ZNF141: variants seen among roughly 807,000 people sequenced by gnomAD.
ZNF141 encodes zinc finger protein 141 (clone pHZ-44).
A neutral mutation model predicts 11.3 loss-of-function variants in ZNF141; 7 were observed. The ratio of observed to expected loss-of-function variants is 0.62; its 90% CI spans 0.35 to 1.16. ZNF141 has a LOEUF of 1.16. Ranked by LOEUF, ZNF141 falls within the 50% of genes most tolerant of loss-of-function variation. The pLI is 0.02. For missense variants in ZNF141, 535 were observed against 554.0 expected (o/e 0.97, Z 0.34); for synonymous variants, 183 against 190.7 (o/e 0.96, Z 0.33).
intron 3 of ZNF141, among the ~76,000 whole-genome samples, chr4:367,341 T>C (rs1166454982): frequency 6.6e-6 from 1 of 152,174 alleles, no homozygotes; most frequent in Non-Finnish European, 1.5e-5. Flanking sequence ...TGTTCAATGG[T>C]GGTTTTGAAT....
At chr4:370,606 C>G (rs1712007500) in intron 3 of ZNF141, among the ~76,000 whole-genome samples, 1 of 152,220 alleles carries the variant, frequency 6.6e-6, no homozygotes. Flanking sequence ...AGCATACTTA[C>G]AAATCACACA....
At chr4:345,588 C>T (rs1314124381) in intron 3 of ZNF141, among the ~76,000 whole-genome samples, 2 of 151,830 alleles carry the variant, frequency 1.3e-5, no homozygotes, top group South Asian at 2.1e-4. Context: ...ATTAGCTGGG[C>T]GTGGTGGTGC....
At chr4:340,984 T>G (rs1399081245) in intron 1 of ZNF141, among the ~76,000 whole-genome samples, 1 of 152,214 alleles carries the variant, frequency 6.6e-6, no homozygotes, top group Non-Finnish European at 1.5e-5. Flanking sequence ...AGTCCAGGGT[T>G]GCAATCTTCA....
chr4:362,596 G>A (rs1436975312), intron 3 of ZNF141, among the ~76,000 whole-genome samples: 2 of 152,152 alleles, frequency 1.3e-5, no homozygotes, highest in Non-Finnish European at 2.9e-5. Flanking sequence ...TTTTACATAT[G>A]GCTAGCCAGT....
intron 3 of ZNF141, among the ~76,000 whole-genome samples, chr4:353,436 A>G (rs1721697993): frequency 1.3e-5 from 2 of 148,634 alleles, no homozygotes; most frequent in South Asian, 4.2e-4. Context: ...TGAAGAATGG[A>G]GAGTTTATTA....
rs1341102140 is a variant in ZNF141 at position 374,525 on chromosome 4, T to TG, written c.*667dup. ...TTACTGTGCACAAGATAATTCATTC[T>TG]GGGGAAAAAAATGCTACAAATGTGA... On this transcript the variant is annotated 3_prime_UTR_variant, in exon 4 of 4. Transcript: ENST00000240499. The TG allele has an allele frequency of 5.5e-6, 1 of 182,770 alleles. No individual in the cohort carries two copies. The highest frequency in any genetic ancestry group is 1.2e-5 in the Non-Finnish European group (1 of 82,646). The allele number at this position is 182,770 out of a possible 1,614,324, so 11.3% of individuals were successfully genotyped here.
At chr4:372,496 C>G (rs898571632) in intron 3 of ZNF141, among the ~76,000 whole-genome samples, 168 bp from the exon 4 acceptor site, 4 of 152,122 alleles carry the variant, frequency 2.6e-5, no homozygotes, top group African/African-American at 9.7e-5. Context: ...AGAAAGGTGT[C>G]TTTGTTAGTA....
At chr4:362,294 G>A (rs1257414876) in intron 3 of ZNF141, among the ~76,000 whole-genome samples, 2 of 152,258 alleles carry the variant, frequency 1.3e-5, no homozygotes, top group Non-Finnish European at 2.9e-5. Context: ...TGTTGGATGG[G>A]TAGATTGTAA....
intron 3 of ZNF141, among the ~76,000 whole-genome samples, chr4:366,587 C>T (rs1487672387): frequency 6.6e-6 from 1 of 152,234 alleles, no homozygotes; most frequent in Non-Finnish European, 1.5e-5. Flanking sequence ...CAGGCGTGAG[C>T]CACCACACCC....
At chr4:347,919 A>G (rs896248794) in intron 3 of ZNF141, among the ~76,000 whole-genome samples, 16 of 150,986 alleles carry the variant, frequency 1.1e-4, no homozygotes, top group African/African-American at 3.9e-4. Flanking sequence ...ATCTTTGCTC[A>G]CTGCAACCTC....
At chr4:363,527 C>CGG (rs1560193558) in intron 3 of ZNF141, among the ~76,000 whole-genome samples, 1 of 151,962 alleles carries the variant, frequency 6.6e-6, no homozygotes, top group Non-Finnish European at 1.5e-5. Flanking sequence ...GAGGCCAAGG[C>CGG]GGGCAGATCA....
At position 377,500 on chromosome 4, in the gene ZNF141, C is replaced by T. The variant is rs576822916; in HGVS notation, c.*3638C>T. Among the ~76,000 whole-genome samples, 14 of 152,290 alleles carry T rather than the reference C, an allele frequency of 9.2e-5. 1 individual carries two copies. The South Asian group carries it at 2.9e-3, about 32-fold the overall frequency. On this transcript the variant is annotated 3_prime_UTR_variant, in exon 4 of 4. Transcript: ENST00000240499. ...TGATATCTTTATGATTTATCCCCAG[C>T]TATGTATGCCTCAGAGCCTTTCTTC...
intron 3 of ZNF141, 34 bp downstream of exon 3, chr4:344,464 C>T: frequency 6.4e-7 from 1 of 1,570,126 alleles, no homozygotes; most frequent in South Asian, 1.1e-5. Flanking sequence ...AGGGCACAGG[C>T]AAGGGGACCA....
At chr4:349,215 T>C (rs1721477804) in intron 3 of ZNF141, among the ~76,000 whole-genome samples, 1 of 151,934 alleles carries the variant, frequency 6.6e-6, no homozygotes, top group Non-Finnish European at 1.5e-5. Flanking sequence ...AGTTGTATCA[T>C]GTGAGTACAG....
At chr4:356,857 G>T (rs1352029518) in intron 3 of ZNF141, among the ~76,000 whole-genome samples, 1 of 150,364 alleles carries the variant, frequency 6.7e-6, no homozygotes, top group Non-Finnish European at 1.5e-5. Context: ...TTTTGTTTTT[G>T]TTGCCTTCTT....
In ZNF141 at chr4:381,704, C is replaced by T. The variant is rs1553855699; in HGVS notation, c.*7842C>T. Among the ~76,000 whole-genome samples, 1 of 151,944 alleles carries T rather than the reference C, an allele frequency of 6.6e-6. No individual in the cohort carries two copies. On this transcript the variant is annotated 3_prime_UTR_variant, in exon 4 of 4. Coordinates refer to ENST00000240499, the MANE Select transcript of ZNF141 (RefSeq NM_003441.4). ...GATTACAGGCGTGAGCCACCATGCC[C>T]TCAAATATGCTTTCTTAGTACTCCA...
intron 3 of ZNF141, among the ~76,000 whole-genome samples, chr4:354,719 C>A (rs1553850991): frequency 6.6e-6 from 1 of 151,892 alleles, no homozygotes; most frequent in Non-Finnish European, 1.5e-5. Flanking sequence ...TTGTTACATT[C>A]ATTTTTATAT....
chr4:365,142 C>T lies in ZNF141; in HGVS notation c.227-7522C>T, dbSNP rs187375011. ...TGGGTGTGGGACCTGGCAAGCCAGG[C>T]GTGGGATATAATCTCCTGGTGTGCC... On this transcript the variant is annotated intron_variant, in intron 3 of 3. Coordinates refer to ENST00000240499, the MANE Select transcript of ZNF141 (RefSeq NM_003441.4). Among the ~76,000 whole-genome samples, 1,101 of 152,252 alleles carry T rather than the reference C, an allele frequency of 7.2e-3. 11 individuals are homozygous for T. The highest frequency in any genetic ancestry group is 0.071 in the Middle Eastern group (21 of 294).
At chr4:338,273 G>A in intron 1 of ZNF141, 2 of 402,592 alleles carry the variant, frequency 5.0e-6, no homozygotes, top group Non-Finnish European at 9.2e-6. Context: ...CGTGCGCGAT[G>A]CCGGCGTGGG....
Sources: gnomAD v4.1 joint callset for allele counts (sites outside exome capture counted in the v4.1 genomes callset) on GRCh38, gnomAD v4.1.1 for gene constraint, MANE v1.5 for transcripts, NCBI Gene and HGNC (gene_info 2026-07-23, HGNC 2026-07-21) for gene names.